SATL1: variants seen among roughly 807,000 people sequenced by gnomAD.
The protein encoded by SATL1 is spermidine/spermine N(1)-acetyltransferase-like protein 1.
A neutral mutation model predicts 51.8 loss-of-function variants in SATL1; 47 were observed. That is an observed-to-expected ratio of 0.91 (90% CI 0.72 to 1.16). The LOEUF is 1.16. SATL1 is among the 50% of genes most tolerant of loss of function. The probability of loss-of-function intolerance (pLI) is 0.00; values close to 1 mark genes in which losing one functional copy is unlikely to be tolerated. For synonymous variants in SATL1, 176 were observed against 182.4 expected (o/e 0.97, Z 0.28); for missense variants, 520 against 526.4 (o/e 0.99, Z 0.12).
intron 3 of SATL1, among the ~76,000 whole-genome samples, chrX:85,107,084 A>G (rs763912481): frequency 8.9e-6 from 1 of 112,026 alleles, no homozygotes; most frequent in Non-Finnish European, 1.9e-5. Context: ...GCCCCTTACT[A>G]TATGCCAAGC....
intron 2 of SATL1, among the ~76,000 whole-genome samples, chrX:85,175,904 T>C (rs1052348330): frequency 1.5e-4 from 17 of 110,871 alleles, no homozygotes; most frequent in African/African-American, 5.6e-4. Flanking sequence ...CCAAACTCAA[T>C]CAGAAGCCAG....
At chrX:85,149,444 T>G (rs1362709575) in intron 2 of SATL1, among the ~76,000 whole-genome samples, 1 of 111,528 alleles carries the variant, frequency 9.0e-6, no homozygotes, top group East Asian at 2.8e-4. Context: ...GGAATTGAAC[T>G]CAGCTCTGCA....
At chrX:85,180,067 G>C (rs1288710221) in intron 2 of SATL1, among the ~76,000 whole-genome samples, 2 of 110,666 alleles carry the variant, frequency 1.8e-5, no homozygotes, top group Admixed American at 1.9e-4. Flanking sequence ...TCATAGGAAT[G>C]AGTTTTACAG....
At chrX:85,147,668 A>G (rs1474642147) in intron 2 of SATL1, among the ~76,000 whole-genome samples, 1 of 111,352 alleles carries the variant, frequency 9.0e-6, no homozygotes, top group Non-Finnish European at 1.9e-5. Context: ...GATTCACGAA[A>G]ATCTGCTGTT....
rs990732221 is a variant in SATL1 at position 85,103,894 on chromosome X, T to C, written c.1663A>G (p.Met555Val). The change falls in exon 4 of 8, where the codon ATG becomes GTG. Residue 555 changes from methionine to valine, a missense_variant. Met to Val is a conservative substitution (Grantham distance 21, BLOSUM62 1). This residue lies in a region of SATL1 where 488 missense variants were observed against 474.3 expected (regional missense o/e 1.03). Coordinates refer to ENST00000644105, the MANE Select transcript of SATL1 (RefSeq NM_001367857.2). ...LIKELAACEN[M>V]LDAMELTAAD... ...GCTGTTAACTCCATTGCATCTAGCA[T>C]GTTTTCACAGGCAGCCAATTCCTGT... 3 of 1,194,710 alleles carry C rather than the reference T, an allele frequency of 2.5e-6. No individual in the cohort carries two copies. Among genetic ancestry groups the C allele is most frequent in the Admixed American group, 4.4e-5 (2 of 45,885 alleles).
intron 2 of SATL1, among the ~76,000 whole-genome samples, chrX:85,142,289 A>G (rs931730060): frequency 1.9e-5 from 2 of 105,351 alleles, no homozygotes; most frequent in Admixed American, 2.1e-4. Context: ...CCAGCTACTC[A>G]GGAGGCTGAG....
chrX:85,095,107 GGC>G, intron 4 of SATL1, 111 bp from the exon 5 acceptor site: 2 of 481,180 alleles, frequency 4.2e-6, no homozygotes, highest in Non-Finnish European at 7.3e-6. Flanking sequence ...CAATTGTATT[GGC>G]GGAAACTGAA....
At chrX:85,128,892 A>T (rs1925700098) in intron 2 of SATL1, among the ~76,000 whole-genome samples, 1 of 112,095 alleles carries the variant, frequency 8.9e-6, no homozygotes, top group Non-Finnish European at 1.9e-5. Flanking sequence ...AGCACCATTT[A>T]TTAAAAAGGG....
chrX:85,196,599 G>A (rs1978641996), intron 2 of SATL1, among the ~76,000 whole-genome samples: 1 of 111,868 alleles, frequency 8.9e-6, no homozygotes, highest in South Asian at 3.7e-4. Context: ...CATGAGGTAG[G>A]CTGATTTCAA....
intron 1 of SATL1, among the ~76,000 whole-genome samples, chrX:85,237,341 A>G (rs1227422380): frequency 9.0e-6 from 1 of 111,617 alleles, no homozygotes; most frequent in Admixed American, 9.5e-5. Flanking sequence ...TCTTGGCATT[A>G]AAATAGACAC....
chrX:85,095,699 G>T (rs921134341), intron 4 of SATL1, among the ~76,000 whole-genome samples: 1 of 104,706 alleles, frequency 9.6e-6, no homozygotes, highest in Non-Finnish European at 2.0e-5. Flanking sequence ...AGTGGCGCGC[G>T]CCTGTAGTCC....
intron 2 of SATL1, among the ~76,000 whole-genome samples, chrX:85,191,980 A>G (rs771958273): frequency 8.0e-5 from 9 of 112,280 alleles, no homozygotes; most frequent in Non-Finnish European, 1.5e-4. Context: ...CACCCAAGTT[A>G]TACAAGACAG....
intron 1 of SATL1, among the ~76,000 whole-genome samples, chrX:85,240,088 A>C (rs1453234089): frequency 1.8e-5 from 2 of 111,827 alleles, no homozygotes; most frequent in African/African-American, 6.5e-5. Context: ...AGTATCCAGA[A>C]AATGTATTTT....
At chrX:85,176,421 T>A (rs1927082369) in intron 2 of SATL1, among the ~76,000 whole-genome samples, 1 of 111,510 alleles carries the variant, frequency 9.0e-6, no homozygotes, top group Non-Finnish European at 1.9e-5. Context: ...TTTATTGCAG[T>A]ATAAATTGCA....
chrX:85,180,861 A>G (rs1229106613), intron 2 of SATL1, among the ~76,000 whole-genome samples: 2 of 110,463 alleles, frequency 1.8e-5, no homozygotes, highest in East Asian at 5.7e-4. Context: ...TCAGATTTTG[A>G]CTTTTTTATA....
chrX:85,157,403 T>C (rs1383505552), intron 2 of SATL1, among the ~76,000 whole-genome samples: 5 of 111,711 alleles, frequency 4.5e-5, no homozygotes, highest in Non-Finnish European at 9.4e-5. Context: ...TGAATATTGT[T>C]GATGTCTCCA....
At chrX:85,149,862 G>C (rs1425270472) in intron 2 of SATL1, among the ~76,000 whole-genome samples, 4 of 110,315 alleles carry the variant, frequency 3.6e-5, no homozygotes, top group South Asian at 3.8e-4. Flanking sequence ...AGAGAAAGCA[G>C]GAAAGATCTA....
At chrX:85,180,099 G>A (rs1927168962) in intron 2 of SATL1, among the ~76,000 whole-genome samples, 1 of 110,854 alleles carries the variant, frequency 9.0e-6, no homozygotes, top group African/African-American at 3.3e-5. Flanking sequence ...TAAAACACAG[G>A]TTAAATAACT....
intron 2 of SATL1, among the ~76,000 whole-genome samples, chrX:85,202,831 G>A (rs1927713242): frequency 9.0e-6 from 1 of 111,567 alleles, no homozygotes; most frequent in South Asian, 3.8e-4. Flanking sequence ...GGGGTGGATA[G>A]GGCACTTAAG....
Sources: allele counts gnomAD v4.1 joint callset (sites outside exome capture counted in the v4.1 genomes callset), GRCh38; gene constraint gnomAD v4.1.1; regional missense constraint gnomAD v4.1.1; transcripts MANE v1.5; gene names NCBI Gene and HGNC (gene_info 2026-07-23, HGNC 2026-07-21).